WNT9A: variants seen among roughly 807,000 people sequenced by gnomAD.
WNT9A encodes Wnt family member 9A.
In WNT9A, 8 loss-of-function variants were observed where a neutral mutation model predicts 31.4. That is an observed-to-expected ratio of 0.26 (90% confidence interval 0.15 to 0.46). WNT9A has a LOEUF of 0.46. Among genes scored for constraint, WNT9A ranks in the 20% least tolerant of loss-of-function variants. The pLI is 0.99. For missense variants in WNT9A, 457 were observed against 522.9 expected (o/e 0.87, Z 1.23); for synonymous variants, 236 against 220.1 (o/e 1.07, Z -0.64).
chr1:227,923,485 GAGCCAGGGTCACCCCGGGTC>G (rs1666360787), intron 3 of WNT9A, among the ~76,000 whole-genome samples: 1 of 152,218 alleles, frequency 6.6e-6, no homozygotes, highest in South Asian at 2.1e-4. Context: ...GATGACCAGA[GAGCCAGGGTCACCCCGGGTC>G]AGCCACCCCA....
chr1:227,936,634 CT>C (rs35945819), intron 1 of WNT9A, among the ~76,000 whole-genome samples: 17 of 148,584 alleles, frequency 1.1e-4, no homozygotes, highest in Non-Finnish European at 8.9e-5. Flanking sequence ...TGCACCCAGT[CT>C]TTTTTTTTTT....
At chr1:227,940,509 A>G (rs1220059119) in intron 1 of WNT9A, among the ~76,000 whole-genome samples, 3 of 152,146 alleles carry the variant, frequency 2.0e-5, no homozygotes, top group Non-Finnish European at 4.4e-5. Context: ...CAGAGGGAGC[A>G]TCCCAAAGTC....
rs1037330863 is a variant in WNT9A, at chr1:227,925,791, CT to C, written c.96-273del. ...ACCCCCACAGTTTCAGGGAGTCTAG[CT>C]GACTCTGGCTGCACTGGACAGATAA... On this transcript the variant is annotated intron_variant, in intron 1 of 3. Transcript: ENST00000272164. The surrounding 1 kb of genome is among the most constrained non-coding windows in gnomAD (Gnocchi z 6.0). Among the ~76,000 whole-genome samples, 1 of 152,130 alleles carries C rather than the reference CT, an allele frequency of 6.6e-6. No homozygotes were observed. The highest frequency in any genetic ancestry group is 2.4e-5 in the African/African-American group (1 of 41,422).
rs1666263833 is a variant in WNT9A, at chr1:227,919,210, T to A, written c.*2308A>T. 1 of 152,250 alleles carries A rather than the reference T, an allele frequency of 6.6e-6. No homozygotes were observed. The highest frequency in any genetic ancestry group is 6.5e-5 in the Admixed American group (1 of 15,284). The allele number at this position is 152,250 out of a possible 1,614,324, so 9.4% of individuals were successfully genotyped here. On this transcript the variant is annotated 3_prime_UTR_variant, in exon 4 of 4. Coordinates refer to ENST00000272164, the MANE Select transcript of WNT9A (RefSeq NM_003395.4). ...GTGACTGAGTGACAGTCTTGTCATG[T>A]CATGAGGGTGTGGCCAGCTATGCTG...
intron 1 of WNT9A, among the ~76,000 whole-genome samples, chr1:227,933,946 T>A (rs951950920): frequency 6.6e-6 from 1 of 152,240 alleles, no homozygotes; most frequent in Non-Finnish European, 1.5e-5. Context: ...TCACGCAGCA[T>A]TGACCTTTTG....
chr1:227,924,532 G>T, intron 2 of WNT9A, 132 bp from the exon 3 acceptor site: 1 of 1,348,936 alleles, frequency 7.4e-7, no homozygotes, highest in Non-Finnish European at 1.0e-6. Context: ...TGCTGCACTC[G>T]GGACAGGGTG....
chr1:227,931,074 TCTTCCTTC>T lies in WNT9A; in HGVS notation c.96-5563_96-5556del, dbSNP rs546868517. Among the ~76,000 whole-genome samples, 302 of 151,732 alleles carry T rather than the reference TCTTCCTTC, an allele frequency of 2.0e-3. 1 individual carries two copies. The highest frequency in any genetic ancestry group is 6.7e-3 in the African/African-American group (278 of 41,424). ...CTTTTGAGGTATGACTCTTCTCTCATCTTCCTTCCTTCCTTCCTTCCTTTTTCTTAGAG... is the reference window on the plus strand; with the variant it reads ...CTTTTGAGGTATGACTCTTCTCTCATCTTCCTTCCTTCCTTTTTCTTAGAG... On this transcript the variant is annotated intron_variant, in intron 1 of 3. Transcript: ENST00000272164.
chr1:227,925,136 G>A lies in WNT9A; in HGVS notation c.352+127C>T, dbSNP rs758766566. On this transcript the variant is annotated intron_variant, in intron 2 of 3. Coordinates refer to ENST00000272164, the MANE Select transcript of WNT9A (RefSeq NM_003395.4). The surrounding 1 kb of genome is among the most constrained non-coding windows in gnomAD (Gnocchi z 6.0). ...TGCCCTTTCCAGGGCCTAGGCCCAG[G>A]AGCTCTGGGCAGGCTGGGCCCGGCG... The A allele has an allele frequency of 4.2e-5, 57 of 1,365,254 alleles. No individual in the cohort carries two copies. Among genetic ancestry groups the A allele is most frequent in the African/African-American group, 7.4e-5 (5 of 67,142 alleles). 84.6% of individuals were successfully genotyped at this position (1,365,254 alleles called of 1,614,324 possible).
At position 227,925,265 on chromosome 1, in the gene WNT9A, C is replaced by T. The variant is rs1016418403; in HGVS notation, c.350G>A (p.Arg117Gln). 7.7e-6 allele frequency: 12 copies of T among 1,555,234 alleles called. No homozygotes were observed. Among genetic ancestry groups the T allele is most frequent in the African/African-American group, 2.7e-5 (2 of 73,574 alleles). ...AGGGCCAGGCCGGCCACACTCACCT[C>T]GCTTGAGCAGGCTGGCCCGGTAGCG... ...EGRYRASLLK[R>Q]GFKETAFLYA... The change falls in exon 2 of 4, where the codon CGA becomes CAA. Residue 117 changes from arginine (R) to glutamine (Q), a missense_variant and splice_region_variant. By Grantham distance (43) the Arg-to-Gln change is conservative. Coordinates refer to ENST00000272164, the MANE Select transcript of WNT9A (RefSeq NM_003395.4). This position sits in a 1 kb window ranked among gnomAD's most constrained non-coding sequence, Gnocchi z 6.0.
Position 227,921,211 on chromosome 1 carries a change from T to A in WNT9A, c.*307A>T. 1.1e-5 allele frequency: 4 copies of A among 357,430 alleles called. No homozygotes were observed. Among genetic ancestry groups the A allele is most frequent in the Non-Finnish European group, 2.1e-5 (4 of 192,944 alleles). 22.1% of individuals were successfully genotyped at this position (357,430 alleles called of 1,614,324 possible). ...CTCCTCACACCGTGTGCAATGCCTGTGCCATGTGCAGCAGGGCTGACTGGG... is the reference window on the plus strand; with the variant it reads ...CTCCTCACACCGTGTGCAATGCCTGAGCCATGTGCAGCAGGGCTGACTGGG... On this transcript the variant is annotated 3_prime_UTR_variant, in exon 4 of 4. Coordinates refer to ENST00000272164, the MANE Select transcript of WNT9A (RefSeq NM_003395.4).
At position 227,919,259 on chromosome 1, in the gene WNT9A, A is replaced by G. The variant is rs1166492970; in HGVS notation, c.*2259T>C. 3 of 152,176 alleles carry G rather than the reference A, an allele frequency of 2.0e-5. No homozygotes were observed. Among genetic ancestry groups the G allele is most frequent in the Non-Finnish European group, 4.4e-5 (3 of 68,084 alleles). The allele number at this position is 152,176 out of a possible 1,614,324, so 9.4% of individuals were successfully genotyped here. A position where few individuals can be genotyped will look rare whatever the true frequency, so the allele number is the denominator to read the frequency against. ...TGCTCAGGGACCAGTGGATGCGGAC[A>G]CTGCAGAGGGCAGGGGCTACCACCC... On this transcript the variant is annotated 3_prime_UTR_variant, in exon 4 of 4. Transcript: ENST00000272164.
At position 227,924,351 on chromosome 1, in the gene WNT9A, C is replaced by A; in HGVS notation, c.402G>T (p.Thr134=). 1 of 1,613,398 alleles carries A rather than the reference C, an allele frequency of 6.2e-7. No individual in the cohort carries two copies. The highest frequency in any genetic ancestry group is 1.3e-5 in the African/African-American group (1 of 75,054). The change falls in exon 3 of 4, where the codon ACG becomes ACT. Residue 134 remains threonine, a synonymous_variant. Coordinates refer to ENST00000272164, the MANE Select transcript of WNT9A (RefSeq NM_003395.4). ...CGCTGCACGCCTTGGCCAGTGCGTG[C>A]GTCAGGCCAGCCGAGGAGATGGCAT... ...FLYAISSAGL[T]HALAKACSAG... is the part of the protein sequence containing the mutation.
intron 3 of WNT9A, 29 bp downstream of exon 3, chr1:227,924,109 T>G: frequency 1.8e-6 from 2 of 1,105,506 alleles, no homozygotes; most frequent in Non-Finnish European, 2.4e-6. Context: ...GACCCTCCCT[T>G]CCCACCCCGC....
At chr1:227,927,875 CA>C (rs1446524835) in intron 1 of WNT9A, among the ~76,000 whole-genome samples, 7 of 148,692 alleles carry the variant, frequency 4.7e-5, no homozygotes, top group African/African-American at 1.5e-4. Context: ...GGACAGGGGA[CA>C]GGGGGAGGGG....
intron 1 of WNT9A, among the ~76,000 whole-genome samples, chr1:227,940,851 T>C (rs373593973): frequency 5.3e-5 from 8 of 152,214 alleles, no homozygotes; most frequent in African/African-American, 1.7e-4. Context: ...AACAGGCTCC[T>C]GGGAGGGCCC....
In WNT9A at chr1:227,921,790, C is replaced by T; in HGVS notation, c.826G>A (p.Gly276Arg). 1 of 1,612,496 alleles carries T rather than the reference C, an allele frequency of 6.2e-7. No homozygotes were observed. Among genetic ancestry groups the T allele is most frequent in the South Asian group, 1.1e-5 (1 of 91,054 alleles). ...GGCAGCGGGTCGCTGCCACCTGCCC[C>T]CGAGGCACGGCCCCGTGGTGGGGAG... Reference protein sequence around the residue: ...AISPPRGRASGAGGSDPLPRT... With the variant: ...AISPPRGRASRAGGSDPLPRT... Residue 276 changes from glycine (G) to arginine (R), a missense_variant, in exon 4 of 4, where the codon GGG (glycine) becomes AGG (arginine). By Grantham distance (125) the Gly-to-Arg change is moderately radical. Coordinates refer to ENST00000272164, the MANE Select transcript of WNT9A (RefSeq NM_003395.4).
At chr1:227,945,994 A>C (rs1666787739) in intron 1 of WNT9A, among the ~76,000 whole-genome samples, 1 of 152,212 alleles carries the variant, frequency 6.6e-6, no homozygotes, top group Non-Finnish European at 1.5e-5. Flanking sequence ...CCCCAAAGGC[A>C]GCACACTTGC....
intron 2 of WNT9A, among the ~76,000 whole-genome samples, chr1:227,924,986 C>T (rs771294124): frequency 6.6e-6 from 1 of 152,028 alleles, no homozygotes; most frequent in Non-Finnish European, 1.5e-5. Context: ...CGAGGGCTGT[C>T]GGGGCAGCCC....
chr1:227,921,428 G>A lies in WNT9A; in HGVS notation c.*90C>T, dbSNP rs1666310566. 4 of 1,529,864 alleles carry A rather than the reference G, an allele frequency of 2.6e-6. No individual in the cohort carries two copies. The highest frequency in any genetic ancestry group is 2.6e-6 in the Non-Finnish European group (3 of 1,136,988). The allele number at this position is 1,529,864 out of a possible 1,614,324, so 94.8% of individuals were successfully genotyped here. Reference sequence around the variant, plus strand: ...TACCCCACGCAGCTGGGCTGGTCGAGCCCAGGAACTCAGCCTGTGCAGGTG... The same window carrying A: ...TACCCCACGCAGCTGGGCTGGTCGAACCCAGGAACTCAGCCTGTGCAGGTG... On this transcript the variant is annotated 3_prime_UTR_variant, in exon 4 of 4. Transcript: ENST00000272164.
Sources: allele counts gnomAD v4.1 joint callset (sites outside exome capture counted in the v4.1 genomes callset), GRCh38; gene constraint gnomAD v4.1.1; non-coding constraint Gnocchi (gnomAD v3.1); transcripts MANE v1.5; gene names NCBI Gene and HGNC (gene_info 2026-07-23, HGNC 2026-07-21).